SLC25A21: variants seen among roughly 807,000 people sequenced by gnomAD.
SLC25A21 encodes the protein mitochondrial 2-oxodicarboxylate carrier.
A neutral mutation model predicts 43.8 loss-of-function variants in SLC25A21; 47 were observed. The ratio of observed to expected loss-of-function variants is 1.07; its 90% CI spans 0.85 to 1.37. The LOEUF is 1.37. Ranked by LOEUF, SLC25A21 falls within the 40% of genes most tolerant of loss-of-function variation. The pLI is 0.00. For synonymous variants in SLC25A21, 131 were observed against 121.3 expected, an observed-to-expected ratio of 1.08 and a Z score of -0.52; for missense variants, 352 against 350.2, an observed-to-expected ratio of 1.00 and a Z score of -0.04.
chr14:37,164,644 T>C (rs1964001707), intron 1 of SLC25A21, among the ~76,000 whole-genome samples: 1 of 152,238 alleles, frequency 6.6e-6, no homozygotes, highest in Non-Finnish European at 1.5e-5. Context: ...ATACATACTA[T>C]TAAGGCATCT....
chr14:37,137,141 G>C (rs922542727), intron 1 of SLC25A21, among the ~76,000 whole-genome samples: 2 of 152,144 alleles, frequency 1.3e-5, no homozygotes, highest in East Asian at 3.9e-4. Context: ...GGGACTACAG[G>C]CGCCCGCCAC....
At chr14:36,944,549 GTTCCACAGTC>G (rs1892638598) in intron 1 of SLC25A21, among the ~76,000 whole-genome samples, 2 of 152,156 alleles carry the variant, frequency 1.3e-5, no homozygotes, top group Non-Finnish European at 2.9e-5. Flanking sequence ...AGCGACATCT[GTTCCACAGTC>G]TTCTCCCTGA....
rs1882037090 is a variant in SLC25A21, at chr14:36,678,779, T to C, written c.*1879A>G. ...GGTTCTTGTATTTTAAAAAATCTAATATTAATGGTATTGAAGTTTCCTTTT... is the reference window on the plus strand; with the variant it reads ...GGTTCTTGTATTTTAAAAAATCTAACATTAATGGTATTGAAGTTTCCTTTT... On this transcript the variant is annotated 3_prime_UTR_variant, in exon 10 of 10. Coordinates refer to ENST00000331299, the MANE Select transcript of SLC25A21 (RefSeq NM_030631.4). 3.8e-6 allele frequency: 4 copies of C among 1,053,328 alleles called. No individual in the cohort carries two copies. The highest frequency in any genetic ancestry group is 3.5e-6 in the Non-Finnish European group (3 of 863,486). The allele number at this position is 1,053,328 out of a possible 1,614,324, so 65.2% of individuals were successfully genotyped here. A position where few individuals can be genotyped will look rare whatever the true frequency, so the allele number is the denominator to read the frequency against.
intron 4 of SLC25A21, among the ~76,000 whole-genome samples, chr14:36,734,000 G>C (rs1229707069): frequency 1.3e-5 from 2 of 152,154 alleles, no homozygotes; most frequent in Non-Finnish European, 2.9e-5. Flanking sequence ...AATTTTAACA[G>C]AGGAGACTAA....
At chr14:37,122,154 G>T (rs779131312) in intron 1 of SLC25A21, among the ~76,000 whole-genome samples, 5 of 152,136 alleles carry the variant, frequency 3.3e-5, no homozygotes, top group Non-Finnish European at 7.4e-5. Flanking sequence ...TTTTTCTAAA[G>T]TGTACCTTGC....
chr14:37,078,821 C>T (rs1285921323), intron 1 of SLC25A21, among the ~76,000 whole-genome samples: 1 of 150,726 alleles, frequency 6.6e-6, no homozygotes, highest in South Asian at 2.1e-4. Flanking sequence ...TAATTTGTTG[C>T]TTTGGCTTTC....
intron 1 of SLC25A21, among the ~76,000 whole-genome samples, chr14:36,902,557 G>A (rs1231990899): frequency 6.6e-6 from 1 of 152,198 alleles, no homozygotes; most frequent in Non-Finnish European, 1.5e-5. Flanking sequence ...TTGGAAAAAG[G>A]AAGGTGTTCA....
At chr14:36,772,721 C>T (rs989477417) in intron 3 of SLC25A21, among the ~76,000 whole-genome samples, 5 of 152,126 alleles carry the variant, frequency 3.3e-5, no homozygotes, top group African/African-American at 9.7e-5. Flanking sequence ...CCTTCATGGT[C>T]GATTGCAAAT....
At chr14:37,134,729 A>C (rs1963449420) in intron 1 of SLC25A21, among the ~76,000 whole-genome samples, 1 of 152,128 alleles carries the variant, frequency 6.6e-6, no homozygotes, top group Non-Finnish European at 1.5e-5. Context: ...ACTATTCCAG[A>C]AAAAATGTTG....
intron 1 of SLC25A21, among the ~76,000 whole-genome samples, chr14:37,004,265 T>G (rs1006046852): frequency 6.6e-6 from 1 of 152,226 alleles, no homozygotes; most frequent in Non-Finnish European, 1.5e-5. Flanking sequence ...CACCAAATTC[T>G]ATTTTGAAAT....
In SLC25A21 at chr14:36,826,140, G is replaced by A. The variant is rs530154036; in HGVS notation, c.120-12139C>T. ...CTCACAGAAGTTTGCATTACAATAC[G>A]AGACAAACATGTAGCATTCAAACAT... On this transcript the variant is annotated intron_variant, in intron 2 of 9. Transcript: ENST00000331299. 4.6e-5 allele frequency among the ~76,000 whole-genome samples: 7 copies of A among 152,250 alleles called. No individual in the cohort carries two copies. The South Asian group carries it at 1.5e-3, about 32-fold the overall frequency.
intron 1 of SLC25A21, among the ~76,000 whole-genome samples, chr14:37,088,894 T>G (rs1381428996): frequency 1.3e-5 from 2 of 152,218 alleles, no homozygotes; most frequent in African/African-American, 4.8e-5. Context: ...TCTTTTCAAC[T>G]TAGGAAAAGT....
chr14:36,779,487 T>TAATAAACATATTCCTATATATATAAG (rs1392409016), intron 3 of SLC25A21, among the ~76,000 whole-genome samples: 1 of 144,182 alleles, frequency 6.9e-6, no homozygotes, highest in African/African-American at 2.5e-5. Flanking sequence ...ATATATATAA[T>TAATAAACATATTCCTATATATATAAG]AATAAACATA....
At chr14:36,905,007 C>T (rs1040822637) in intron 1 of SLC25A21, among the ~76,000 whole-genome samples, 4 of 152,140 alleles carry the variant, frequency 2.6e-5, no homozygotes, top group African/African-American at 7.2e-5. Flanking sequence ...TAGAATGAAT[C>T]CTACTCCCTT....
At chr14:36,765,356 A>G (rs1171523174) in intron 3 of SLC25A21, among the ~76,000 whole-genome samples, 4 of 152,216 alleles carry the variant, frequency 2.6e-5, no homozygotes, top group African/African-American at 7.2e-5. Flanking sequence ...TACATGGAGC[A>G]GAGGGGAAGC....
intron 1 of SLC25A21, among the ~76,000 whole-genome samples, chr14:37,136,902 CA>C (rs1308589136): frequency 6.6e-6 from 1 of 152,016 alleles, no homozygotes; most frequent in African/African-American, 2.4e-5. Context: ...GGATATAGGG[CA>C]GGGGGAATGG....
chr14:37,032,583 A>G (rs571149233), intron 1 of SLC25A21, among the ~76,000 whole-genome samples: 2 of 149,910 alleles, frequency 1.3e-5, no homozygotes, highest in South Asian at 4.2e-4. Flanking sequence ...AGGCATAAGA[A>G]TTGCTTGAAC....
chr14:37,039,357 CA>C (rs1961395296), intron 1 of SLC25A21, among the ~76,000 whole-genome samples: 1 of 152,122 alleles, frequency 6.6e-6, no homozygotes, highest in African/African-American at 2.4e-5. Flanking sequence ...CATCACAATT[CA>C]AGATACTAAT....
intron 1 of SLC25A21, among the ~76,000 whole-genome samples, chr14:37,037,025 C>A (rs1228925407): frequency 6.6e-6 from 1 of 152,108 alleles, no homozygotes; most frequent in Non-Finnish European, 1.5e-5. Context: ...AAATGAACAT[C>A]AAATTATTTT....
Sources: allele counts gnomAD v4.1 joint callset (sites outside exome capture counted in the v4.1 genomes callset), GRCh38; gene constraint gnomAD v4.1.1; transcripts MANE v1.5; gene names NCBI Gene and HGNC (gene_info 2026-07-23, HGNC 2026-07-21).